The following TTC23 variants were observed in gnomAD, a reference collection of about 807,000 sequenced individuals.
TTC23 encodes tetratricopeptide repeat domain 23.
A neutral mutation model predicts 55.1 loss-of-function variants in TTC23; 58 were observed. The observed-to-expected ratio is 1.05, with a 90% CI of 0.85 to 1.31. TTC23 has a LOEUF of 1.31. TTC23 is among the 50% of genes most tolerant of loss of function. The pLI, the probability that TTC23 is intolerant of heterozygous loss-of-function variation, is 0.00. For synonymous variants in TTC23, 203 were observed against 199.9 expected (o/e 1.02, Z -0.13); for missense variants, 516 against 534.4 (o/e 0.97, Z 0.34).
chr15:99,170,698 C>G (rs1009983783), intron 10 of TTC23, among the ~76,000 whole-genome samples: 1 of 152,228 alleles, frequency 6.6e-6, no homozygotes, highest in Admixed American at 6.5e-5. Flanking sequence ...CTGGAGAAAC[C>G]TAGGCCGCAG....
intron 11 of TTC23, 101 bp downstream of exon 11, chr15:99,161,639 T>C: frequency 1.5e-6 from 2 of 1,379,300 alleles, no homozygotes; most frequent in Admixed American, 2.3e-5. Context: ...GGCACATGCT[T>C]TGCACACAGT....
At chr15:99,186,095 A>C (rs2074636877) in intron 9 of TTC23, among the ~76,000 whole-genome samples, 1 of 152,194 alleles carries the variant, frequency 6.6e-6, no homozygotes, top group Non-Finnish European at 1.5e-5. Flanking sequence ...TCTTAGGTAA[A>C]TCTCCTAAAG....
chr15:99,218,468 G>T, intron 8 of TTC23, 120 bp downstream of exon 8: 2 of 1,300,068 alleles, frequency 1.5e-6, no homozygotes, highest in Non-Finnish European at 2.1e-6. Context: ...CTTTTACACA[G>T]TGACCTCCAG....
At chr15:99,148,776 G>A (rs1017465724) in intron 12 of TTC23, 1 of 152,212 alleles carries the variant, frequency 6.6e-6, no homozygotes, top group Non-Finnish European at 1.5e-5. Context: ...GTACAAGTAG[G>A]TGAACTTTTG....
At chr15:99,176,419 TG>T (rs1056819819) in intron 9 of TTC23, among the ~76,000 whole-genome samples, 9 of 152,120 alleles carry the variant, frequency 5.9e-5, no homozygotes, top group African/African-American at 2.2e-4. Context: ...AAGATGAGCC[TG>T]GGCAACATGG....
At chr15:99,226,606 G>A (rs993305604) in intron 5 of TTC23, among the ~76,000 whole-genome samples, 3 of 152,204 alleles carry the variant, frequency 2.0e-5, no homozygotes, top group Admixed American at 6.5e-5. Flanking sequence ...TGAACTGACA[G>A]CCTCTCTCAC....
chr15:99,191,199 A>AT (rs1465206027), intron 9 of TTC23, among the ~76,000 whole-genome samples: 3 of 152,254 alleles, frequency 2.0e-5, no homozygotes, highest in African/African-American at 7.2e-5. Flanking sequence ...CTATAAAGCC[A>AT]TAAGTAAATG....
intron 8 of TTC23, among the ~76,000 whole-genome samples, chr15:99,204,231 GATC>G (rs1207328457): frequency 6.6e-6 from 1 of 152,076 alleles, no homozygotes; most frequent in Non-Finnish European, 1.5e-5. Flanking sequence ...GCATTTCTGT[GATC>G]ATCAGTGATG....
In TTC23 at chr15:99,227,938, C is replaced by A. The variant is rs75729495; in HGVS notation, c.180+595G>T. Among the ~76,000 whole-genome samples, 32 of 152,294 alleles carry A rather than the reference C, an allele frequency of 2.1e-4. No individual in the cohort carries two copies. The East Asian group carries it at 5.6e-3, about 27-fold the overall frequency. On this transcript the variant is annotated intron_variant, in intron 5 of 13. Coordinates refer to ENST00000394132, the MANE Select transcript of TTC23 (RefSeq NM_001288615.3). Reference sequence around the variant, plus strand: ...CTTCGTGTTTTGCATCTATGTCACTCGAGCTCTCACAGAACTCATCAACCT... The same window carrying A: ...CTTCGTGTTTTGCATCTATGTCACTAGAGCTCTCACAGAACTCATCAACCT...
intron 5 of TTC23, among the ~76,000 whole-genome samples, chr15:99,226,661 T>C (rs1347960279): frequency 1.3e-5 from 2 of 152,146 alleles, no homozygotes; most frequent in Non-Finnish European, 2.9e-5. Flanking sequence ...GCTTCAGATA[T>C]GTCCTGCTTG....
At chr15:99,197,778 C>T (rs879908390) in intron 9 of TTC23, among the ~76,000 whole-genome samples, 37 of 151,760 alleles carry the variant, frequency 2.4e-4, no homozygotes, top group South Asian at 6.3e-4. Context: ...TGGTGGCGGG[C>T]GCCTGTAATC....
At chr15:99,183,469 G>A (rs1056187558) in intron 9 of TTC23, among the ~76,000 whole-genome samples, 1 of 149,294 alleles carries the variant, frequency 6.7e-6, no homozygotes, top group African/African-American at 2.5e-5. Context: ...CTACAGGCAC[G>A]TGCCACCACG....
chr15:99,182,527 A>G (rs942778235), intron 9 of TTC23, among the ~76,000 whole-genome samples: 1 of 152,112 alleles, frequency 6.6e-6, no homozygotes, highest in Non-Finnish European at 1.5e-5. Context: ...AACTCTTTCT[A>G]TATTTTCTCC....
chr15:99,194,552 CA>C (rs760038465), intron 9 of TTC23, among the ~76,000 whole-genome samples: 1,621 of 40,478 alleles, frequency 0.04, 13 homozygotes, highest in African/African-American at 0.13. Flanking sequence ...ACATCACGTG[CA>C]AAAAAAAAAA....
At chr15:99,242,778 C>T (rs2152098134) in intron 2 of TTC23, among the ~76,000 whole-genome samples, 1 of 152,174 alleles carries the variant, frequency 6.6e-6, no homozygotes, top group South Asian at 2.1e-4. Context: ...TGGCAAAATC[C>T]ATTATCCAAT....
At chr15:99,172,828 T>C (rs1041865612) in intron 10 of TTC23, among the ~76,000 whole-genome samples, 2 of 152,248 alleles carry the variant, frequency 1.3e-5, no homozygotes, top group African/African-American at 4.8e-5. Flanking sequence ...GGTATTATTA[T>C]CATTTTCAAT....
At chr15:99,200,307 C>A (rs561980869) in intron 8 of TTC23, among the ~76,000 whole-genome samples, 2 of 152,118 alleles carry the variant, frequency 1.3e-5, no homozygotes, top group African/African-American at 2.4e-5. Context: ...CCTGGCTTCA[C>A]CACTGACTAG....
At chr15:99,154,758 T>C (rs2070310491) in intron 12 of TTC23, among the ~76,000 whole-genome samples, 1 of 152,202 alleles carries the variant, frequency 6.6e-6, no homozygotes, top group Admixed American at 6.5e-5. Flanking sequence ...CCACATTTAG[T>C]TCTAATTAAA....
chr15:99,237,953 GTTTA>G (rs1187868953), intron 3 of TTC23, among the ~76,000 whole-genome samples: 2 of 151,894 alleles, frequency 1.3e-5, no homozygotes, highest in South Asian at 2.1e-4. Flanking sequence ...ATTGCAACTT[GTTTA>G]TTTATTTTTT....
Sources: gnomAD v4.1 joint callset for allele counts (sites outside exome capture counted in the v4.1 genomes callset) on GRCh38, gnomAD v4.1.1 for gene constraint, MANE v1.5 for transcripts, NCBI Gene and HGNC (gene_info 2026-07-23, HGNC 2026-07-21) for gene names.